SLC39A9: variants seen among roughly 807,000 people sequenced by gnomAD.
The protein encoded by SLC39A9 is zinc transporter ZIP9.
A neutral mutation model predicts 28.4 loss-of-function variants in SLC39A9; 14 were observed. The ratio of observed to expected loss-of-function variants is 0.49; its 90% CI spans 0.33 to 0.77. The LOEUF is 0.77. Ranked by LOEUF, SLC39A9 falls within the 30% of genes least tolerant of loss-of-function variation. The pLI is 0.02. For synonymous variants in SLC39A9, 119 were observed against 149.6 expected, an observed-to-expected ratio of 0.80 and a Z score of 1.49; for missense variants, 283 against 381.1, an observed-to-expected ratio of 0.74 and a Z score of 2.14.
intron 2 of SLC39A9, among the ~76,000 whole-genome samples, chr14:69,441,439 T>G (rs1885045259): frequency 6.6e-6 from 1 of 152,232 alleles, no homozygotes; most frequent in Non-Finnish European, 1.5e-5. Context: ...ACTGGGATTA[T>G]CAGCTGGCCA....
rs750022012 is a variant in SLC39A9 at position 69,458,350 on chromosome 14, T to G, written c.694-13T>G. On this transcript the variant is annotated splice_polypyrimidine_tract_variant and intron_variant, in intron 6 of 6. Coordinates refer to ENST00000336643, the MANE Select transcript of SLC39A9 (RefSeq NM_018375.5). ...TGACTTAGTTTTTCCTCTTTCTCTC[T>G]TCTAATTCACAGAGCAGTAAAGAAG... is the stretch of plus-strand genomic sequence containing the variant. 1 of 1,612,620 alleles carries G rather than the reference T, an allele frequency of 6.2e-7. No individual in the cohort carries two copies. Among genetic ancestry groups the G allele is most frequent in the Non-Finnish European group, 8.5e-7 (1 of 1,179,526 alleles).
At chr14:69,420,921 C>T (rs1356435411) in intron 1 of SLC39A9, among the ~76,000 whole-genome samples, 1 of 152,116 alleles carries the variant, frequency 6.6e-6, no homozygotes, top group Non-Finnish European at 1.5e-5. Context: ...TTTAAGCTTC[C>T]TTGCGATGGG....
At chr14:69,432,307 G>A (rs185556521) in intron 2 of SLC39A9, among the ~76,000 whole-genome samples, 43 of 152,210 alleles carry the variant, frequency 2.8e-4, no homozygotes, top group African/African-American at 9.9e-4. Context: ...TTTCTCTGCC[G>A]ATTAGTGATT....
chr14:69,438,705 A>G (rs1420546156), intron 2 of SLC39A9, among the ~76,000 whole-genome samples: 1 of 152,236 alleles, frequency 6.6e-6, no homozygotes, highest in African/African-American at 2.4e-5. Flanking sequence ...TTGGACTGTT[A>G]GAATTGGTAT....
At chr14:69,437,726 TTA>T (rs1195099721) in intron 2 of SLC39A9, among the ~76,000 whole-genome samples, 2 of 151,656 alleles carry the variant, frequency 1.3e-5, no homozygotes, top group African/African-American at 4.8e-5. Context: ...GTAACTGGGA[TTA>T]TAGGTGCCTG....
chr14:69,403,444 T>G (rs1014867037), intron 1 of SLC39A9, among the ~76,000 whole-genome samples: 2 of 152,162 alleles, frequency 1.3e-5, no homozygotes, highest in African/African-American at 4.8e-5. Flanking sequence ...GAGCAAGCTG[T>G]TTTTGGCTCA....
chr14:69,416,652 T>A (rs1454243677), intron 1 of SLC39A9, among the ~76,000 whole-genome samples: 1 of 152,140 alleles, frequency 6.6e-6, no homozygotes, highest in African/African-American at 2.4e-5. Context: ...TGACTTTTTA[T>A]TGATCGCCAT....
In SLC39A9 at chr14:69,452,965, G is replaced by C. The variant is rs532318638; in HGVS notation, c.404-276G>C. On this transcript the variant is annotated intron_variant, in intron 3 of 6. Coordinates refer to ENST00000336643, the MANE Select transcript of SLC39A9 (RefSeq NM_018375.5). ...TTTCAGTGATTTTTCTGTTAAGGTAGGGCTGAGTCAAATGAAGAGTTCCCT... is the reference window on the plus strand; with the variant it reads ...TTTCAGTGATTTTTCTGTTAAGGTACGGCTGAGTCAAATGAAGAGTTCCCT... Among the ~76,000 whole-genome samples the C allele has an allele frequency of 1.6e-4, 24 of 152,306 alleles. No homozygotes were observed. The South Asian group carries it at 4.8e-3, about 30-fold the overall frequency.
At position 69,434,083 on chromosome 14, in the gene SLC39A9, C is replaced by CTT. The variant is rs570635766; in HGVS notation, c.206-7971_206-7970dup. 2.2e-4 allele frequency among the ~76,000 whole-genome samples: 28 copies of CTT among 128,306 alleles called. No homozygotes were observed. The East Asian group carries it at 3.1e-3, about 14-fold the overall frequency. The allele number at this position is 128,306 out of a possible 152,430, so 84.2% of individuals were successfully genotyped here. A position where few individuals can be genotyped will look rare whatever the true frequency, so the allele number is the denominator to read the frequency against. The stretch of plus-strand genomic sequence containing the variant: ...TACAGGCATGTAATTCTTTTCTTTT[C>CTT]TTTTTTTTTTTTTTTTGCGCGACAG... On this transcript the variant is annotated intron_variant, in intron 2 of 6. Coordinates refer to ENST00000336643, the MANE Select transcript of SLC39A9 (RefSeq NM_018375.5).
At position 69,458,800 on chromosome 14, in the gene SLC39A9, A is replaced by G. The variant is rs1191038720; in HGVS notation, c.*207A>G. Reference sequence around the variant, plus strand: ...ACATTTACGTTGCAGTTAGCTATAGACATCCCATTGTGTTATCTTTTAAAA... The same window carrying G: ...ACATTTACGTTGCAGTTAGCTATAGGCATCCCATTGTGTTATCTTTTAAAA... On this transcript the variant is annotated 3_prime_UTR_variant, in exon 7 of 7. Transcript: ENST00000336643. The G allele has an allele frequency of 2.3e-6, 3 of 1,325,832 alleles. No homozygotes were observed. Among genetic ancestry groups the G allele is most frequent in the African/African-American group, 1.5e-5 (1 of 68,644 alleles). The allele number at this position is 1,325,832 out of a possible 1,614,324, so 82.1% of individuals were successfully genotyped here.
At chr14:69,452,299 G>GT (rs1885645333) in intron 3 of SLC39A9, among the ~76,000 whole-genome samples, 1 of 152,040 alleles carries the variant, frequency 6.6e-6, no homozygotes, top group African/African-American at 2.4e-5. Context: ...TTCTTAAATG[G>GT]TAACTGACAC....
Position 69,460,488 on chromosome 14 carries a change from T to C in SLC39A9, c.*1895T>C. 2.0e-6 allele frequency: 2 copies of C among 985,466 alleles called. No homozygotes were observed. Among genetic ancestry groups the C allele is most frequent in the Non-Finnish European group, 2.4e-6 (2 of 829,926 alleles). 61.0% of individuals were successfully genotyped at this position (985,466 alleles called of 1,614,324 possible). On this transcript the variant is annotated 3_prime_UTR_variant, in exon 7 of 7. Coordinates refer to ENST00000336643, the MANE Select transcript of SLC39A9 (RefSeq NM_018375.5). Reference sequence around the variant, plus strand: ...GAGGTTTCATCTAGTCCTTCAAAACTATATGGTTGCCTAGATTCTCTCTGG... The same window carrying C: ...GAGGTTTCATCTAGTCCTTCAAAACCATATGGTTGCCTAGATTCTCTCTGG...
chr14:69,422,995 T>A (rs1488922763), intron 1 of SLC39A9, among the ~76,000 whole-genome samples: 1 of 152,230 alleles, frequency 6.6e-6, no homozygotes, highest in Admixed American at 6.5e-5. Flanking sequence ...TTAAGTTGGA[T>A]TAAAACCACA....
chr14:69,424,294 A>C (rs1040735249), intron 2 of SLC39A9, 92 bp downstream of exon 2: 20 of 906,464 alleles, frequency 2.2e-5, no homozygotes, highest in Non-Finnish European at 2.8e-5. Context: ...AGCACAGTTC[A>C]TGTTTACCAT....
intron 3 of SLC39A9, among the ~76,000 whole-genome samples, chr14:69,451,888 A>T (rs1885626978): frequency 1.3e-5 from 2 of 151,984 alleles, no homozygotes; most frequent in Admixed American, 6.6e-5. Flanking sequence ...GCTAAATTTT[A>T]AAAATTTTGT....
At chr14:69,454,573 G>A (rs1287176765) in intron 4 of SLC39A9, 5 of 355,152 alleles carry the variant, frequency 1.4e-5, no homozygotes, top group Admixed American at 4.7e-5. Flanking sequence ...AACTAACATT[G>A]AATACTCTGG....
chr14:69,418,971 T>A (rs1176131006), intron 1 of SLC39A9, among the ~76,000 whole-genome samples: 2 of 152,182 alleles, frequency 1.3e-5, no homozygotes, highest in South Asian at 4.1e-4. Flanking sequence ...GATTCATTGA[T>A]TTTTTTGAAG....
intron 2 of SLC39A9, among the ~76,000 whole-genome samples, chr14:69,431,489 T>C (rs1270564400): frequency 6.6e-6 from 1 of 151,990 alleles, no homozygotes; most frequent in Non-Finnish European, 1.5e-5. Flanking sequence ...CATTCTTGCC[T>C]TACTTTCATT....
chr14:69,410,519 C>T (rs1459894229), intron 1 of SLC39A9, among the ~76,000 whole-genome samples: 1 of 152,208 alleles, frequency 6.6e-6, no homozygotes, highest in Admixed American at 6.5e-5. Context: ...AAGACTTGTC[C>T]TGTTTCACAC....
Sources: allele counts gnomAD v4.1 joint callset (sites outside exome capture counted in the v4.1 genomes callset), GRCh38; gene constraint gnomAD v4.1.1; transcripts MANE v1.5; gene names NCBI Gene and HGNC (gene_info 2026-07-23, HGNC 2026-07-21).